Variants in WNK1 observed in about 807,000 individuals in gnomAD.
WNK1 encodes WNK lysine deficient protein kinase 1.
A neutral mutation model predicts 222.8 loss-of-function variants in WNK1; 38 were observed. The ratio of observed to expected loss-of-function variants is 0.17; its 90% CI spans 0.13 to 0.22. The LOEUF is 0.22. Ranked by LOEUF, WNK1 falls within the 10% of genes least tolerant of loss-of-function variation. The probability of loss-of-function intolerance (pLI) is 1.00; values close to 1 mark genes in which losing one functional copy is unlikely to be tolerated. For missense variants in WNK1, 2,348 were observed against 2,918.4 expected, an observed-to-expected ratio of 0.80 and a Z score of 4.50; for synonymous variants, 1,090 against 1,092.9, an observed-to-expected ratio of 1.00 and a Z score of 0.05.
chr12:866,444 C>A (rs545396692), intron 8 of WNK1, among the ~76,000 whole-genome samples: 2 of 152,286 alleles, frequency 1.3e-5, no homozygotes, highest in African/African-American at 4.8e-5. Flanking sequence ...CTCACGGCAA[C>A]CTCTGCCTCC....
chr12:784,609 C>G (rs1192865732), intron 1 of WNK1, among the ~76,000 whole-genome samples: 1 of 152,188 alleles, frequency 6.6e-6, no homozygotes, highest in Non-Finnish European at 1.5e-5. Context: ...ATGAAACCAT[C>G]ACCACAGTCA....
intron 4 of WNK1, among the ~76,000 whole-genome samples, chr12:834,960 G>T (rs538336151): frequency 2.6e-5 from 4 of 152,108 alleles, no homozygotes; most frequent in Admixed American, 6.5e-5. Context: ...GTTTGTACGC[G>T]TGTCTATGTG....
intron 25 of WNK1, among the ~76,000 whole-genome samples, chr12:898,886 A>G (rs2154097250): frequency 6.6e-6 from 1 of 152,250 alleles, no homozygotes; most frequent in East Asian, 1.9e-4. Context: ...GATTACAGGC[A>G]CATGTCACCA....
At chr12:882,806 A>G in intron 14 of WNK1, 137 bp from the exon 15 acceptor site, 2 of 682,032 alleles carry the variant, frequency 2.9e-6, no homozygotes, top group East Asian at 2.7e-5. Context: ...GAGACAAAGT[A>G]CTAGTGCTCC....
At chr12:871,818 G>A (rs935217487) in intron 9 of WNK1, among the ~76,000 whole-genome samples, 1 of 152,140 alleles carries the variant, frequency 6.6e-6, no homozygotes, top group Non-Finnish European at 1.5e-5. Flanking sequence ...GGCCAGGCTG[G>A]TCTCAAACTC....
Position 896,571 on chromosome 12 carries a change from T to C in WNK1, c.6084T>C (p.Gly2028=). 6.2e-7 allele frequency: 1 copy of C among 1,612,772 alleles called. No individual in the cohort carries two copies. The highest frequency in any genetic ancestry group is 8.5e-7 in the Non-Finnish European group (1 of 1,179,522). Residue 2028 remains glycine (G), a synonymous_variant, in exon 24 of 28, where the codon GGT becomes GGC. Coordinates refer to ENST00000315939, the MANE Select transcript of WNK1 (RefSeq NM_018979.4). ...GTAGGGATGTGGATGATGGTTCCGGTAGTCCACACTCGCCCCATCAGCTGA... is the reference window on the plus strand; with the variant it reads ...GTAGGGATGTGGATGATGGTTCCGGCAGTCCACACTCGCCCCATCAGCTGA... ...FLSRDVDDGS[G]SPHSPHQLSS...
At chr12:778,895 A>G (rs2153964634) in intron 1 of WNK1, among the ~76,000 whole-genome samples, 1 of 152,238 alleles carries the variant, frequency 6.6e-6, no homozygotes, top group Admixed American at 6.5e-5. Flanking sequence ...ATATGAGCAA[A>G]AGCTGGTACT....
intron 1 of WNK1, among the ~76,000 whole-genome samples, chr12:765,565 T>A (rs1056617134): frequency 8.3e-6 from 1 of 120,400 alleles, no homozygotes; most frequent in Non-Finnish European, 2.0e-5. Flanking sequence ...AATTTTTTTT[T>A]AATCATTGCA....
In WNK1 at chr12:884,694, C is replaced by G. The variant is rs1299382643; in HGVS notation, c.3890C>G (p.Ser1297Cys). The G allele has an allele frequency of 6.2e-7, 1 of 1,614,230 alleles. No homozygotes were observed. Among genetic ancestry groups the G allele is most frequent in the Non-Finnish European group, 8.5e-7 (1 of 1,180,040 alleles). ...AQSPGMNLSHSASSLSLQQAF... is the reference protein window; with the variant it reads ...AQSPGMNLSHCASSLSLQQAF... ...AGCCCTGGAATGAACTTGTCTCACTCTGCATCATCCCTTAGTCTACAACAG... is the reference window on the plus strand; with the variant it reads ...AGCCCTGGAATGAACTTGTCTCACTGTGCATCATCCCTTAGTCTACAACAG... Residue 1297 changes from serine to cysteine, a missense_variant, in exon 19 of 28, where the codon TCT becomes TGT. This residue lies in a region of WNK1 where 1,144 missense variants were observed against 1,273.6 expected (regional missense o/e 0.90). Transcript: ENST00000315939. This position sits in a 1 kb window ranked among gnomAD's most constrained non-coding sequence, Gnocchi z 5.6.
At position 896,704 on chromosome 12, in the gene WNK1, A is replaced by C. The variant is rs1218436122; in HGVS notation, c.6217A>C (p.Lys2073Gln). Residue 2073 changes from lysine to glutamine, a missense_variant, in exon 24 of 28, where the codon AAG (lysine) becomes CAG (glutamine). Lys to Gln is a moderately conservative substitution (Grantham distance 53). Transcript: ENST00000315939. ...NESDIEDEDL[K>Q]LELRRLRDKH... is the part of the protein sequence containing the mutation. ...GTCAGATATCGAAGATGAAGACTTA[A>C]AGTTAGAGCTGCGACGACTACGAGA... 4 of 1,608,864 alleles carry C rather than the reference A, an allele frequency of 2.5e-6. No homozygotes were observed. Among genetic ancestry groups the C allele is most frequent in the Non-Finnish European group, 3.4e-6 (4 of 1,179,112 alleles).
chr12:779,397 G>GTTTTTTTTTTTT (rs5795950), intron 1 of WNK1, among the ~76,000 whole-genome samples: 1 of 124,272 alleles, frequency 8.0e-6, no homozygotes, highest in Non-Finnish European at 1.7e-5. Flanking sequence ...TTTCTTTTCT[G>GTTTTTTTTTTTT]TTTTTTTTTT....
At chr12:904,640 T>C (rs1273618903) in intron 26 of WNK1, 5 of 532,088 alleles carry the variant, frequency 9.4e-6, no homozygotes, top group African/African-American at 8.0e-5. Flanking sequence ...ACATGCTTAA[T>C]TGAGAAATCA....
intron 4 of WNK1, chr12:851,726 T>C: frequency 7.4e-7 from 1 of 1,345,334 alleles, no homozygotes; most frequent in Middle Eastern, 2.1e-4. Flanking sequence ...TTGCTCAGTA[T>C]TTGTCATCAT....
rs1163083984 is a variant in WNK1 at position 871,337 on chromosome 12, C to T, written c.2212C>T (p.His738Tyr). 1 of 1,614,110 alleles carries T rather than the reference C, an allele frequency of 6.2e-7. No individual in the cohort carries two copies. Among genetic ancestry groups the T allele is most frequent in the South Asian group, 1.1e-5 (1 of 91,084 alleles). Reference protein sequence around the residue: ...TGVSSSQPIQHPQQQQGIQQT... With the variant: ...TGVSSSQPIQYPQQQQGIQQT... Reference sequence around the variant, plus strand: ...GGTTTCATCTTCCCAACCCATACAACATCCTCAGCAGGTGAGAACAATGCA... The same window carrying T: ...GGTTTCATCTTCCCAACCCATACAATATCCTCAGCAGGTGAGAACAATGCA... Residue 738 changes from histidine (H) to tyrosine (Y), a missense_variant, in exon 9 of 28, where the codon CAT becomes TAT. His to Tyr is a moderately conservative substitution (Grantham distance 83). Coordinates refer to ENST00000315939, the MANE Select transcript of WNK1 (RefSeq NM_018979.4).
chr12:759,282 T>C (rs1940666541), intron 1 of WNK1, among the ~76,000 whole-genome samples: 1 of 147,384 alleles, frequency 6.8e-6, no homozygotes, highest in Non-Finnish European at 1.5e-5. Flanking sequence ...CTTTAAATTA[T>C]ATTGATAATT....
chr12:901,775 T>G (rs1266683657), intron 26 of WNK1: 7 of 395,894 alleles, frequency 1.8e-5, no homozygotes, highest in Non-Finnish European at 2.6e-5. Context: ...TTGGCTGAAT[T>G]ACTGTTACCC....
intron 26 of WNK1, chr12:901,524 CCT>C (rs1424256046): frequency 7.9e-6 from 10 of 1,272,906 alleles, no homozygotes; most frequent in Non-Finnish European, 9.2e-6. Context: ...TGTCTCTTCT[CCT>C]CTCTCTGTTC....
intron 4 of WNK1, among the ~76,000 whole-genome samples, chr12:842,100 A>G (rs1456596311): frequency 6.6e-6 from 1 of 152,236 alleles, no homozygotes; most frequent in African/African-American, 2.4e-5. Context: ...ATTTTGAAGA[A>G]TAAATGATTC....
chr12:826,954 C>G (rs1948406770), intron 2 of WNK1, 88 bp from the exon 3 acceptor site: 2 of 1,034,630 alleles, frequency 1.9e-6, no homozygotes, highest in Non-Finnish European at 3.0e-6. Context: ...ATATTCCCAT[C>G]TCCAGTCATG....
Sources: gnomAD v4.1 joint callset for allele counts (sites outside exome capture counted in the v4.1 genomes callset) on GRCh38, gnomAD v4.1.1 for gene constraint, gnomAD v4.1.1 regional missense constraint, Gnocchi (gnomAD v3.1) non-coding constraint, MANE v1.5 for transcripts, NCBI Gene and HGNC (gene_info 2026-07-23, HGNC 2026-07-21) for gene names.